ALK: variants seen among roughly 807,000 people sequenced by gnomAD.
The protein encoded by ALK is ALK receptor tyrosine kinase.
A neutral mutation model predicts 163.1 loss-of-function variants in ALK; 74 were observed. The observed-to-expected ratio is 0.45, with a 90% CI of 0.38 to 0.55. The LOEUF (loss-of-function observed/expected upper bound fraction) is 0.55, where lower values mean the gene tolerates loss of function less well. Among genes scored for constraint, ALK ranks in the 20% least tolerant of loss-of-function variants. The pLI, the probability that ALK is intolerant of heterozygous loss-of-function variation, is 0.00. For missense variants in ALK, 2,063 were observed against 2,105.3 expected, an observed-to-expected ratio of 0.98 and a Z score of 0.39; for synonymous variants, 960 against 843.2, an observed-to-expected ratio of 1.14 and a Z score of -2.40.
At chr2:29,305,816 A>G (rs1666494182) in intron 8 of ALK, among the ~76,000 whole-genome samples, 1 of 151,818 alleles carries the variant, frequency 6.6e-6, no homozygotes, top group African/African-American at 2.4e-5. Context: ...CAAGCACATT[A>G]CATATATCGT....
intron 8 of ALK, among the ~76,000 whole-genome samples, chr2:29,311,674 A>C (rs576223315): frequency 9.2e-5 from 14 of 152,222 alleles, no homozygotes; most frequent in African/African-American, 3.4e-4. Context: ...CCCTGGGGAA[A>C]GTGGAGATGC....
At chr2:29,384,612 T>C (rs982277177) in intron 4 of ALK, among the ~76,000 whole-genome samples, 4 of 152,014 alleles carry the variant, frequency 2.6e-5, no homozygotes, top group African/African-American at 9.7e-5. Context: ...GATTGGACCA[T>C]CGAATTTACT....
chr2:29,323,161 T>G (rs992922388), intron 6 of ALK, among the ~76,000 whole-genome samples: 21 of 152,220 alleles, frequency 1.4e-4, no homozygotes, highest in African/African-American at 4.8e-4. Flanking sequence ...GTGTCTATTT[T>G]ACTGAGCTGG....
chr2:29,357,610 G>T (rs1415246911), intron 5 of ALK, among the ~76,000 whole-genome samples: 1 of 152,188 alleles, frequency 6.6e-6, no homozygotes, highest in Non-Finnish European at 1.5e-5. Context: ...TAGTGGGGGT[G>T]CTGTGGCAAA....
chr2:29,287,352 C>T (rs1425120078), intron 9 of ALK, among the ~76,000 whole-genome samples: 2 of 152,176 alleles, frequency 1.3e-5, no homozygotes, highest in African/African-American at 4.8e-5. Flanking sequence ...CATCATTCTG[C>T]GTTACTGTTG....
chr2:29,311,952 G>GC (rs1666709254), intron 8 of ALK, among the ~76,000 whole-genome samples: 1 of 152,074 alleles, frequency 6.6e-6, no homozygotes, highest in Non-Finnish European at 1.5e-5. Context: ...CATGCTGGCT[G>GC]GGGAGAGGAG....
intron 3 of ALK, among the ~76,000 whole-genome samples, chr2:29,676,638 A>C (rs1332502527): frequency 6.6e-6 from 1 of 151,966 alleles, no homozygotes; most frequent in Non-Finnish European, 1.5e-5. Context: ...TGTCTATTCC[A>C]GGTCTTTTCC....
At chr2:29,602,718 A>C (rs1675414104) in intron 3 of ALK, among the ~76,000 whole-genome samples, 1 of 152,186 alleles carries the variant, frequency 6.6e-6, no homozygotes, top group African/African-American at 2.4e-5. Context: ...AAAAATACAT[A>C]ATGATGCTAA....
chr2:29,765,030 C>G (rs916673115), intron 1 of ALK, among the ~76,000 whole-genome samples: 18 of 152,162 alleles, frequency 1.2e-4, no homozygotes, highest in African/African-American at 4.1e-4. Flanking sequence ...TGCTTCTGCT[C>G]TGGCCACATA....
intron 5 of ALK, among the ~76,000 whole-genome samples, chr2:29,365,282 G>T (rs1210935664): frequency 6.6e-6 from 1 of 152,212 alleles, no homozygotes; most frequent in East Asian, 1.9e-4. Context: ...TGCCAAATGT[G>T]CAGTTTAAAC....
At chr2:29,445,206 T>A (rs1444432280) in intron 4 of ALK, among the ~76,000 whole-genome samples, 1 of 152,094 alleles carries the variant, frequency 6.6e-6, no homozygotes, top group African/African-American at 2.4e-5. Flanking sequence ...TAGGCAGAGG[T>A]GGGCCAGTGA....
intron 1 of ALK, among the ~76,000 whole-genome samples, chr2:29,815,597 G>A (rs1158198435): frequency 2.0e-5 from 3 of 152,170 alleles, no homozygotes; most frequent in African/African-American, 7.2e-5. Flanking sequence ...ATTCACAGAG[G>A]AGGCCATGCA....
intron 1 of ALK, among the ~76,000 whole-genome samples, chr2:29,808,120 T>C (rs186640836): frequency 8.7e-4 from 133 of 152,348 alleles, no homozygotes; most frequent in Non-Finnish European, 1.7e-3. Flanking sequence ...ATATAAGGTT[T>C]CTTCCTTAAA....
intron 12 of ALK, among the ~76,000 whole-genome samples, chr2:29,249,955 G>A (rs954834786): frequency 2.6e-5 from 4 of 152,176 alleles, no homozygotes; most frequent in African/African-American, 4.8e-5. Flanking sequence ...GGCTGTCCCC[G>A]TAACACATTT....
chr2:29,433,367 T>C (rs1468835760), intron 4 of ALK, among the ~76,000 whole-genome samples: 1 of 152,160 alleles, frequency 6.6e-6, no homozygotes, highest in Admixed American at 6.5e-5. Context: ...GACCACACTT[T>C]AGGTGGCAAG....
intron 26 of ALK, among the ~76,000 whole-genome samples, chr2:29,201,782 A>G (rs917056701): frequency 2.7e-5 from 1 of 37,190 alleles, no homozygotes; most frequent in Non-Finnish European, 3.9e-5. Flanking sequence ...ATGACAGTCT[A>G]AAAAAAAAAA....
At chr2:29,656,303 A>G (rs1367104082) in intron 3 of ALK, among the ~76,000 whole-genome samples, 2 of 152,168 alleles carry the variant, frequency 1.3e-5, no homozygotes, top group Non-Finnish European at 2.9e-5. Flanking sequence ...ATGATATGTA[A>G]GATCCGTCCT....
chr2:29,630,143 C>T lies in ALK; in HGVS notation c.952+64707G>A, dbSNP rs536563122. Among the ~76,000 whole-genome samples the T allele has an allele frequency of 1.7e-3, 260 of 152,158 alleles. 2 individuals are homozygous for T. Among genetic ancestry groups the T allele is most frequent in the Middle Eastern group, 6.8e-3 (2 of 294 alleles). On this transcript the variant is annotated intron_variant, in intron 3 of 28. Coordinates refer to ENST00000389048, the MANE Select transcript of ALK (RefSeq NM_004304.5). The stretch of plus-strand genomic sequence containing the variant: ...GTGCCTTAAAGCATTGGAATAAGCA[C>T]GGAGGAGGTGAGGTAGAAGGACACT...
chr2:29,448,374 T>C (rs1006614865), intron 4 of ALK, among the ~76,000 whole-genome samples: 1 of 152,194 alleles, frequency 6.6e-6, no homozygotes, highest in African/African-American at 2.4e-5. Flanking sequence ...CTCTTCTTAA[T>C]AGACTTGAAC....
Sources: allele counts gnomAD v4.1 joint callset (sites outside exome capture counted in the v4.1 genomes callset), GRCh38; gene constraint gnomAD v4.1.1; transcripts MANE v1.5; gene names NCBI Gene and HGNC (gene_info 2026-07-23, HGNC 2026-07-21).